Variants in ZNF787 observed in about 807,000 individuals in gnomAD.
The protein encoded by ZNF787 is zinc finger protein 787.
A neutral mutation model predicts 16.9 loss-of-function variants in ZNF787; 7 were observed. The ratio of observed to expected loss-of-function variants is 0.42; its 90% CI spans 0.24 to 0.78. ZNF787 has a LOEUF of 0.78. ZNF787 is among the 30% of genes least tolerant of loss of function. The pLI, the probability that ZNF787 is intolerant of heterozygous loss-of-function variation, is 0.30. For missense variants in ZNF787, 551 were observed against 589.3 expected (o/e 0.94, Z 0.67); for synonymous variants, 345 against 270.9 (o/e 1.27, Z -2.69).
chr19:56,111,501 A>G (rs2029978694), intron 1 of ZNF787, among the ~76,000 whole-genome samples: 1 of 152,144 alleles, frequency 6.6e-6, no homozygotes, highest in African/African-American at 2.4e-5. Flanking sequence ...GCCGACCCAG[A>G]GACCTCCAGG....
In ZNF787 at chr19:56,088,506, C is replaced by G; in HGVS notation, c.666G>C (p.Gly222=). 7.1e-7 allele frequency: 1 copy of G among 1,409,086 alleles called. No individual in the cohort carries two copies. Among genetic ancestry groups the G allele is most frequent in the Non-Finnish European group, 9.2e-7 (1 of 1,088,402 alleles). The allele number at this position is 1,409,086 out of a possible 1,614,324, so 87.3% of individuals were successfully genotyped here. ...VLAASVRRAK[G]PEEAVAADGE... The stretch of plus-strand genomic sequence containing the variant: ...CGTCCGCCGCCACCGCCTCTTCGGG[C>G]CCCTTGGCCCGCCGGACGCTAGCCG... Residue 222 remains glycine, a synonymous_variant, in exon 3 of 3, where the codon GGG becomes GGC. Transcript: ENST00000610935. This position sits in a 1 kb window ranked among gnomAD's most constrained non-coding sequence, Gnocchi z 8.6.
chr19:56,120,259 C>T (rs1487896658), intron 1 of ZNF787, among the ~76,000 whole-genome samples: 2 of 152,030 alleles, frequency 1.3e-5, no homozygotes, highest in Non-Finnish European at 2.9e-5. Context: ...CTGTGGGTCA[C>T]TTTTCTGTGC....
chr19:56,104,593 G>A (rs1250875103), intron 1 of ZNF787, among the ~76,000 whole-genome samples: 2 of 151,800 alleles, frequency 1.3e-5, no homozygotes, highest in African/African-American at 4.8e-5. Flanking sequence ...CACGTACCAT[G>A]AGGGTCTCTA....
intron 1 of ZNF787, among the ~76,000 whole-genome samples, chr19:56,106,711 T>G (rs889136927): frequency 3.0e-5 from 1 of 33,158 alleles, no homozygotes; most frequent in Non-Finnish European, 7.2e-5. Flanking sequence ...TTGGGCTGAA[T>G]GCACTCGGCT....
At chr19:56,094,050 G>A (rs930925174) in intron 2 of ZNF787, among the ~76,000 whole-genome samples, 1 of 151,912 alleles carries the variant, frequency 6.6e-6, no homozygotes, top group Non-Finnish European at 1.5e-5. Context: ...TTGAGACGCA[G>A]TCTCACTTTG....
intron 1 of ZNF787, among the ~76,000 whole-genome samples, chr19:56,112,064 C>T (rs1043666678): frequency 2.6e-5 from 4 of 152,140 alleles, no homozygotes; most frequent in African/African-American, 9.7e-5. Flanking sequence ...TCAGGCCCTA[C>T]CCCCAGGACC....
chr19:56,087,965 G>A lies in ZNF787; in HGVS notation c.*58C>T, dbSNP rs1353687404. 3.9e-6 allele frequency: 5 copies of A among 1,297,310 alleles called. No homozygotes were observed. The highest frequency in any genetic ancestry group is 3.2e-5 in the African/African-American group (2 of 62,806). 80.4% of individuals were successfully genotyped at this position (1,297,310 alleles called of 1,614,324 possible). The stretch of plus-strand genomic sequence containing the variant: ...CTCCCTGGGTCTCTTGGTCTTGCAC[G>A]TCGTCGCTCCCGCCAAGCCCGAGGG... On this transcript the variant is annotated 3_prime_UTR_variant, in exon 3 of 3. Coordinates refer to ENST00000610935, the MANE Select transcript of ZNF787 (RefSeq NM_001002836.4).
At chr19:56,112,447 T>G in intron 1 of ZNF787, among the ~76,000 whole-genome samples, 1 of 152,180 alleles carries the variant, frequency 6.6e-6, no homozygotes, top group East Asian at 1.9e-4. Context: ...CCTTGAGAGA[T>G]CCAATTAGCA....
chr19:56,106,539 C>T (rs142255165), intron 1 of ZNF787, among the ~76,000 whole-genome samples: 246 of 152,390 alleles, frequency 1.6e-3, no homozygotes, highest in African/African-American at 5.6e-3. Context: ...GCACAACCCT[C>T]GACCAACCAT....
At chr19:56,115,974 A>G (rs1248626280) in intron 1 of ZNF787, among the ~76,000 whole-genome samples, 1 of 151,962 alleles carries the variant, frequency 6.6e-6, no homozygotes, top group Non-Finnish European at 1.5e-5. Context: ...TACACTATGG[A>G]CTCTGGGTGA....
chr19:56,101,125 TAGGA>T, intron 2 of ZNF787, among the ~76,000 whole-genome samples: 1 of 142,878 alleles, frequency 7.0e-6, no homozygotes, highest in Middle Eastern at 3.8e-3. Flanking sequence ...CACTGTCACA[TAGGA>T]GGGACGCATG....
At chr19:56,098,552 CGGGTGATGG>C (rs1985961238) in intron 2 of ZNF787, among the ~76,000 whole-genome samples, 3 of 125,214 alleles carry the variant, frequency 2.4e-5, no homozygotes, top group African/African-American at 6.9e-5. Flanking sequence ...ATATGGCCGC[CGGGTGATGG>C]AGCCTAGGTG....
At position 56,088,159 on chromosome 19, in the gene ZNF787, A is replaced by G. The variant is rs1179139135; in HGVS notation, c.1013T>C (p.Ile338Thr). 1.3e-6 allele frequency: 2 copies of G among 1,554,578 alleles called. No homozygotes were observed. The highest frequency in any genetic ancestry group is 1.7e-6 in the Non-Finnish European group (2 of 1,155,558). The change falls in exon 3 of 3, where the codon ATC becomes ACC. Residue 338 changes from isoleucine (I) to threonine (T), a missense_variant. This residue lies in a region of ZNF787 where 392 missense variants were observed against 312.7 expected (regional missense o/e 1.25). Coordinates refer to ENST00000610935, the MANE Select transcript of ZNF787 (RefSeq NM_001002836.4). The surrounding 1 kb of genome is among the most constrained non-coding windows in gnomAD (Gnocchi z 8.6). The part of the protein sequence containing the change: ...QGAALRRHKK[I>T]HAVGAPSVCS... ...GACCGAGGGCGCGCCCACCGCGTGGATCTTCTTGTGTCTCCGGAGCGCGGC... is the reference window on the plus strand; with the variant it reads ...GACCGAGGGCGCGCCCACCGCGTGGGTCTTCTTGTGTCTCCGGAGCGCGGC...
Position 56,087,861 on chromosome 19 carries a change from GC to G in ZNF787, c.*161del, listed in dbSNP as rs200557300. 19 of 1,151,602 alleles carry G rather than the reference GC, an allele frequency of 1.6e-5. No individual in the cohort carries two copies. The highest frequency in any genetic ancestry group is 8.8e-5 in the South Asian group (3 of 33,966). The allele number at this position is 1,151,602 out of a possible 1,614,324, so 71.3% of individuals were successfully genotyped here. ...TGAACGGGCCCTAATACGCCCCAGT[GC>G]CCCCCCACGGACGGCGCAGGGACAG... is the stretch of plus-strand genomic sequence containing the variant. On this transcript the variant is annotated 3_prime_UTR_variant, in exon 3 of 3. Transcript: ENST00000610935.
At chr19:56,099,343 C>T (rs900396904) in intron 2 of ZNF787, among the ~76,000 whole-genome samples, 3 of 152,138 alleles carry the variant, frequency 2.0e-5, no homozygotes, top group East Asian at 3.9e-4. Flanking sequence ...AGGACAGGCA[C>T]GCAGGGGAGG....
Position 56,087,771 on chromosome 19 carries a change from CTCGCAGGCCGATAACTTAGGAA to C in ZNF787, c.*230_*251del. The C allele has an allele frequency of 2.1e-6, 1 of 479,360 alleles. No individual in the cohort carries two copies. The highest frequency in any genetic ancestry group is 3.1e-6 in the Non-Finnish European group (1 of 319,748). 29.7% of individuals were successfully genotyped at this position (479,360 alleles called of 1,614,324 possible). ...GCAGTTCTCTCCATTGTCTCTCCGG[CTCGCAGGCCGATAACTTAGGAA>C]GGGCGGGCCAGGCTGAGGGGGCAGA... On this transcript the variant is annotated 3_prime_UTR_variant, in exon 3 of 3. Coordinates refer to ENST00000610935, the MANE Select transcript of ZNF787 (RefSeq NM_001002836.4).
chr19:56,101,532 G>A (rs1986098388), intron 2 of ZNF787: 1 of 152,274 alleles, frequency 6.6e-6, no homozygotes, highest in Admixed American at 6.5e-5. Context: ...TCAAAGACAA[G>A]CATTTTGGAG....
Position 56,087,875 on chromosome 19 carries a change from GGCGCAGGGACAGAGGA to G in ZNF787, c.*132_*147del. On this transcript the variant is annotated 3_prime_UTR_variant, in exon 3 of 3. Transcript: ENST00000610935. The stretch of plus-strand genomic sequence containing the variant: ...TACGCCCCAGTGCCCCCCCACGGAC[GGCGCAGGGACAGAGGA>G]GGGCGGGGAGCCGGGGATGCCGCGG... 8.2e-7 allele frequency: 1 copy of G among 1,212,680 alleles called. No individual in the cohort carries two copies. The highest frequency in any genetic ancestry group is 1.0e-6 in the Non-Finnish European group (1 of 963,056). The allele number at this position is 1,212,680 out of a possible 1,614,324, so 75.1% of individuals were successfully genotyped here. A position where few individuals can be genotyped will look rare whatever the true frequency, so the allele number is the denominator to read the frequency against.
chr19:56,114,527 G>GTC (rs902040398), intron 1 of ZNF787, among the ~76,000 whole-genome samples: 5 of 151,652 alleles, frequency 3.3e-5, no homozygotes, highest in Admixed American at 6.6e-5. Context: ...GCCAGGCCTG[G>GTC]TCTCTCTCTC....
Sources: gnomAD v4.1 joint callset for allele counts (sites outside exome capture counted in the v4.1 genomes callset) on GRCh38, gnomAD v4.1.1 for gene constraint, gnomAD v4.1.1 regional missense constraint, Gnocchi (gnomAD v3.1) non-coding constraint, MANE v1.5 for transcripts, NCBI Gene and HGNC (gene_info 2026-07-23, HGNC 2026-07-21) for gene names.